The following SF3B1 variants were observed in gnomAD, a reference collection of about 807,000 sequenced individuals.
The protein encoded by SF3B1 is pre-mRNA processing 10.
A neutral mutation model predicts 153.8 loss-of-function variants in SF3B1; 12 were observed. The observed-to-expected ratio is 0.08, with a 90% CI of 0.05 to 0.13. SF3B1 has a LOEUF of 0.13. SF3B1 is among the 10% of genes least tolerant of loss of function. SF3B1 has a pLI of 1.00. For missense variants in SF3B1, 513 were observed against 1,606.1 expected (o/e 0.32, Z 11.63); for synonymous variants, 498 against 525.2 (o/e 0.95, Z 0.71).
intron 1 of SF3B1, among the ~76,000 whole-genome samples, chr2:197,429,521 C>T (rs1055424584): frequency 2.0e-5 from 3 of 152,154 alleles, no homozygotes; most frequent in Admixed American, 6.5e-5. Flanking sequence ...CGGTGGCTCA[C>T]GCCTGTAATC....
intron 1 of SF3B1, 70 bp from the exon 2 acceptor site, chr2:197,424,044 T>C (rs1236614859): frequency 7.9e-7 from 1 of 1,265,024 alleles, no homozygotes; most frequent in Non-Finnish European, 1.1e-6. Context: ...TGCATTTCTT[T>C]ACTAGGTAAT....
chr2:197,432,368 A>G (rs1453972904), intron 1 of SF3B1, among the ~76,000 whole-genome samples: 1 of 152,272 alleles, frequency 6.6e-6, no homozygotes, highest in East Asian at 1.9e-4. Flanking sequence ...CAAAGTCAGC[A>G]GTATCTGAAG....
intron 20 of SF3B1, chr2:197,398,933 A>G (rs1303335770): frequency 1.5e-6 from 1 of 662,022 alleles, no homozygotes; most frequent in Admixed American, 2.3e-5. Flanking sequence ...GTAAACATGT[A>G]AATAAAGCAA....
At chr2:197,426,370 A>C (rs1420261528) in intron 1 of SF3B1, among the ~76,000 whole-genome samples, 1 of 151,748 alleles carries the variant, frequency 6.6e-6, no homozygotes. Flanking sequence ...ATCTCGGCTC[A>C]CTGCAACCTC....
rs573794144 is a variant in SF3B1 at position 197,429,681 on chromosome 2, G to A, written c.28+5291C>T. Among the ~76,000 whole-genome samples, 10 of 152,178 alleles carry A rather than the reference G, an allele frequency of 6.6e-5. No individual in the cohort carries two copies. The East Asian group carries it at 1.9e-3, about 29-fold the overall frequency. On this transcript the variant is annotated intron_variant, in intron 1 of 24. Transcript: ENST00000335508. Reference sequence around the variant, plus strand: ...CGTCTGTAGTCCCAGCTACTCGGGAGGCTGAGGCAGAAGTATCGCTTGAAC... The same window carrying A: ...CGTCTGTAGTCCCAGCTACTCGGGAAGCTGAGGCAGAAGTATCGCTTGAAC...
At chr2:197,428,627 C>T (rs114057576) in intron 1 of SF3B1, among the ~76,000 whole-genome samples, 411 of 152,284 alleles carry the variant, frequency 2.7e-3, no homozygotes, top group Non-Finnish European at 4.4e-3. Context: ...AGCGCGGTGG[C>T]TCACGCCTGT....
At chr2:197,414,626 A>C (rs1178641230) in intron 6 of SF3B1, among the ~76,000 whole-genome samples, 1 of 152,230 alleles carries the variant, frequency 6.6e-6, no homozygotes, top group Non-Finnish European at 1.5e-5. Context: ...CCTTGACAAG[A>C]GATTTTAGGT....
intron 1 of SF3B1, among the ~76,000 whole-genome samples, chr2:197,427,621 G>C (rs2106020915): frequency 6.6e-6 from 1 of 152,290 alleles, no homozygotes; most frequent in Non-Finnish European, 1.5e-5. Context: ...TAAATAAAAA[G>C]GTGGGAAAAA....
chr2:197,398,664 G>A, intron 20 of SF3B1, 83 bp from the exon 21 acceptor site: 1 of 1,252,276 alleles, frequency 8.0e-7, no homozygotes, highest in Non-Finnish European at 1.1e-6. Flanking sequence ...TGTCATATAT[G>A]ACTATGTATA....
rs2084978471 is a variant in SF3B1, at chr2:197,405,369, G to C, written c.1343C>G (p.Thr448Ser). The C allele has an allele frequency of 6.2e-7, 1 of 1,614,036 alleles. No homozygotes were observed. The highest frequency in any genetic ancestry group is 1.7e-5 in the Admixed American group (1 of 60,012). Reference protein sequence around the residue: ...LGGMTGFHMQTEDRTMKSVND... With the variant: ...LGGMTGFHMQSEDRTMKSVND... Reference sequence around the variant, plus strand: ...AACACTTTTCATAGTTCGATCTTCAGTTTGCATGTGGAAACCAGTCATACC... The same window carrying C: ...AACACTTTTCATAGTTCGATCTTCACTTTGCATGTGGAAACCAGTCATACC... Residue 448 changes from threonine (T) to serine (S), a missense_variant, in exon 10 of 25, where the codon ACT becomes AGT. Physicochemically the swap from Thr to Ser is moderately conservative, Grantham distance 58. This residue lies in a region of SF3B1 where 17 missense variants were observed against 21.0 expected (regional missense o/e 0.81). Coordinates refer to ENST00000335508, the MANE Select transcript of SF3B1 (RefSeq NM_012433.4).
At chr2:197,396,725 C>T (rs539210258) in intron 22 of SF3B1, among the ~76,000 whole-genome samples, 8 of 152,238 alleles carry the variant, frequency 5.3e-5, no homozygotes, top group Non-Finnish European at 1.0e-4. Flanking sequence ...GGGGAATATC[C>T]GAATTGTAGT....
chr2:197,417,399 C>G (rs543087289), intron 5 of SF3B1, among the ~76,000 whole-genome samples: 1 of 151,752 alleles, frequency 6.6e-6, no homozygotes, highest in Non-Finnish European at 1.5e-5. Context: ...TTTTACCATC[C>G]CATTTAACTC....
rs143648708 is a variant in SF3B1 at position 197,400,009 on chromosome 2, A to G, written c.3013+46T>C. On this transcript the variant is annotated intron_variant, in intron 20 of 24. Coordinates refer to ENST00000335508, the MANE Select transcript of SF3B1 (RefSeq NM_012433.4). The surrounding 1 kb of genome is among the most constrained non-coding windows in gnomAD (Gnocchi z 5.0). Reference sequence around the variant, plus strand: ...TACTTACGAAAAAAAAAAGAAAAAGAAAGTTAAAACAAGAAAAAGTCTTAT... The same window carrying G: ...TACTTACGAAAAAAAAAAGAAAAAGGAAGTTAAAACAAGAAAAAGTCTTAT... The G allele has an allele frequency of 9.1e-3, 11,700 of 1,288,092 alleles. 147 individuals are homozygous for G. The highest frequency in any genetic ancestry group is 0.038 in the South Asian group (2,934 of 77,292). The allele number at this position is 1,288,092 out of a possible 1,614,324, so 79.8% of individuals were successfully genotyped here.
At chr2:197,394,767 T>G (rs1255892555) in intron 23 of SF3B1, among the ~76,000 whole-genome samples, 1 of 152,062 alleles carries the variant, frequency 6.6e-6, no homozygotes, top group Non-Finnish European at 1.5e-5. Flanking sequence ...TAGCCGGCCA[T>G]GGTGGCACAC....
At chr2:197,406,230 C>T (rs1200064519) in intron 9 of SF3B1, among the ~76,000 whole-genome samples, 1 of 150,870 alleles carries the variant, frequency 6.6e-6, no homozygotes, top group African/African-American at 2.4e-5. Context: ...ATGGCAAGAC[C>T]CCATCTCTAT....
intron 4 of SF3B1, chr2:197,419,020 G>A: frequency 7.9e-7 from 1 of 1,270,146 alleles, no homozygotes; most frequent in Non-Finnish European, 1.1e-6. Flanking sequence ...ATTACCTGTT[G>A]CAAGCTGTTA....
rs546551588 is a variant in SF3B1 at position 197,429,501 on chromosome 2, C to T, written c.28+5471G>A. On this transcript the variant is annotated intron_variant, in intron 1 of 24. Coordinates refer to ENST00000335508, the MANE Select transcript of SF3B1 (RefSeq NM_012433.4). ...AAGACAGGTTTTAATAACACTAAGG[C>T]AGGCCGGCACGGTGGCTCACGCCTG... Among the ~76,000 whole-genome samples, 26 of 152,030 alleles carry T rather than the reference C, an allele frequency of 1.7e-4. No individual in the cohort carries two copies. The South Asian group carries it at 2.3e-3, about 13-fold the overall frequency.
chr2:197,433,181 T>C (rs2085468358), intron 1 of SF3B1, among the ~76,000 whole-genome samples: 2 of 152,212 alleles, frequency 1.3e-5, no homozygotes, highest in Admixed American at 6.5e-5. Flanking sequence ...ACATTTATCA[T>C]CCCCTGACAT....
chr2:197,394,308 C>A (rs1235571318), intron 23 of SF3B1, among the ~76,000 whole-genome samples: 1 of 152,178 alleles, frequency 6.6e-6, no homozygotes, highest in Non-Finnish European at 1.5e-5. Context: ...CTTGGCCTCC[C>A]AAATCATTTT....
Sources: allele counts gnomAD v4.1 joint callset (sites outside exome capture counted in the v4.1 genomes callset), GRCh38; gene constraint gnomAD v4.1.1; regional missense constraint gnomAD v4.1.1; non-coding constraint Gnocchi (gnomAD v3.1); transcripts MANE v1.5; gene names NCBI Gene and HGNC (gene_info 2026-07-23, HGNC 2026-07-21).